The following STX8 variants were observed in gnomAD, a reference collection of about 807,000 sequenced individuals.
The protein encoded by STX8 is syntaxin 8, also known as syntaxin-8.
A neutral mutation model predicts 37.5 loss-of-function variants in STX8; 23 were observed. The ratio of observed to expected loss-of-function variants is 0.61; its 90% CI spans 0.44 to 0.87. The LOEUF (loss-of-function observed/expected upper bound fraction) is 0.87, where lower values mean the gene tolerates loss of function less well. Among genes scored for constraint, STX8 ranks in the 40% least tolerant of loss-of-function variants. STX8 has a pLI of 0.00. For missense variants in STX8, 313 were observed against 284.7 expected (o/e 1.10, Z -0.71); for synonymous variants, 115 against 99.1 (o/e 1.16, Z -0.95).
intron 7 of STX8, among the ~76,000 whole-genome samples, chr17:9,347,687 T>A (rs1426830317): frequency 6.6e-6 from 1 of 152,154 alleles, no homozygotes; most frequent in Admixed American, 6.6e-5. Flanking sequence ...CAGCTAATTT[T>A]TGTATTTTTA....
chr17:9,447,024 T>C (rs1904875459), intron 6 of STX8, among the ~76,000 whole-genome samples: 1 of 152,226 alleles, frequency 6.6e-6, no homozygotes, highest in African/African-American at 2.4e-5. Flanking sequence ...GTCATCCTGA[T>C]TGTTCCCTAC....
At chr17:9,295,527 G>C (rs1235983098) in intron 7 of STX8, among the ~76,000 whole-genome samples, 1 of 152,116 alleles carries the variant, frequency 6.6e-6, no homozygotes, top group Non-Finnish European at 1.5e-5. Flanking sequence ...GGCAAATCAC[G>C]AGGTCAGGAG....
chr17:9,481,779 G>T (rs2142455730), intron 6 of STX8, among the ~76,000 whole-genome samples: 1 of 152,276 alleles, frequency 6.6e-6, no homozygotes, highest in South Asian at 2.1e-4. Flanking sequence ...CATCAGATCA[G>T]CAGTGGCATT....
chr17:9,504,025 A>C (rs1436122026), intron 5 of STX8, among the ~76,000 whole-genome samples: 1 of 152,194 alleles, frequency 6.6e-6, no homozygotes, highest in African/African-American at 2.4e-5. Context: ...CAGCCTCCCA[A>C]AGTGCTGGGA....
chr17:9,328,757 A>G (rs1025024557), intron 7 of STX8, among the ~76,000 whole-genome samples: 1 of 152,146 alleles, frequency 6.6e-6, no homozygotes, highest in African/African-American at 2.4e-5. Flanking sequence ...TGTAATTAAG[A>G]TGGTGGCTGA....
chr17:9,465,016 C>T (rs1643473777), intron 6 of STX8, among the ~76,000 whole-genome samples: 1 of 152,066 alleles, frequency 6.6e-6, no homozygotes, highest in African/African-American at 2.4e-5. Context: ...CCACCATGCC[C>T]GGCCTCATCC....
intron 6 of STX8, among the ~76,000 whole-genome samples, chr17:9,446,534 G>A (rs1467101724): frequency 6.6e-6 from 1 of 152,202 alleles, no homozygotes; most frequent in Non-Finnish European, 1.5e-5. Flanking sequence ...GTGAGGAGGA[G>A]GAAGCAAACT....
chr17:9,492,489 C>T (rs1567584709), intron 5 of STX8, among the ~76,000 whole-genome samples: 1 of 152,076 alleles, frequency 6.6e-6, no homozygotes, highest in Non-Finnish European at 1.5e-5. Flanking sequence ...TAGACTGTGC[C>T]CACCTTTTTA....
At chr17:9,556,612 T>G (rs1906972550) in intron 3 of STX8, among the ~76,000 whole-genome samples, 1 of 151,598 alleles carries the variant, frequency 6.6e-6, no homozygotes, top group South Asian at 2.1e-4. Context: ...CAGCTAATTT[T>G]TATATTTTCA....
chr17:9,491,102 CCT>C (rs775096359), intron 6 of STX8, among the ~76,000 whole-genome samples: 18 of 152,298 alleles, frequency 1.2e-4, no homozygotes, highest in East Asian at 3.9e-4. Context: ...GCTCTGGTAC[CCT>C]GTCTCCCACT....
At chr17:9,315,694 C>T (rs1235011241) in intron 7 of STX8, among the ~76,000 whole-genome samples, 2 of 152,054 alleles carry the variant, frequency 1.3e-5, no homozygotes, top group African/African-American at 2.4e-5. Flanking sequence ...GCTATGCTTC[C>T]CAGCCTGCAG....
intron 2 of STX8, among the ~76,000 whole-genome samples, chr17:9,562,387 C>G (rs1409809468): frequency 1.3e-5 from 2 of 148,854 alleles, no homozygotes; most frequent in Non-Finnish European, 3.0e-5. Context: ...GCCTGGGCGA[C>G]AGAGCGAGAC....
At chr17:9,550,668 G>A (rs1035009748) in intron 3 of STX8, among the ~76,000 whole-genome samples, 4 of 152,228 alleles carry the variant, frequency 2.6e-5, no homozygotes, top group African/African-American at 7.2e-5. Flanking sequence ...CTTCTCTGCT[G>A]TAGCCTGGTG....
intron 7 of STX8, among the ~76,000 whole-genome samples, chr17:9,254,802 G>A (rs1906725290): frequency 6.6e-6 from 1 of 152,158 alleles, no homozygotes; most frequent in Non-Finnish European, 1.5e-5. Context: ...CCCGTACCTA[G>A]AACAGAGCCT....
At chr17:9,400,405 A>C (rs995719808) in intron 6 of STX8, among the ~76,000 whole-genome samples, 2 of 129,242 alleles carry the variant, frequency 1.5e-5, no homozygotes, top group African/African-American at 5.6e-5. Context: ...AGGCTTATTT[A>C]TTTATTTTTT....
At position 9,477,017 on chromosome 17, in the gene STX8, T is replaced by A. The variant is rs182924963; in HGVS notation, c.541+14812A>T. On this transcript the variant is annotated intron_variant, in intron 6 of 7. Coordinates refer to ENST00000306357, the MANE Select transcript of STX8 (RefSeq NM_004853.3). The stretch of plus-strand genomic sequence containing the variant: ...TACACCACCACATTAGGCTAATTTT[T>A]TTATTATTATTATTATTTCTTGTAG... 1.9e-3 allele frequency among the ~76,000 whole-genome samples: 286 copies of A among 151,970 alleles called. 2 individuals are homozygous for A. Among genetic ancestry groups the A allele is most frequent in the African/African-American group, 6.3e-3 (261 of 41,444 alleles).
At chr17:9,396,501 A>G (rs901953957) in intron 6 of STX8, among the ~76,000 whole-genome samples, 1 of 152,086 alleles carries the variant, frequency 6.6e-6, no homozygotes, top group Non-Finnish European at 1.5e-5. Flanking sequence ...ATCTGAGGTC[A>G]GGAGTTCAAG....
intron 7 of STX8, among the ~76,000 whole-genome samples, chr17:9,285,126 A>C (rs1177744434): frequency 6.6e-6 from 1 of 152,128 alleles, no homozygotes; most frequent in African/African-American, 2.4e-5. Flanking sequence ...GATTCTTATC[A>C]TCAGGGAAAT....
intron 6 of STX8, among the ~76,000 whole-genome samples, chr17:9,425,187 C>T (rs1218057277): frequency 6.6e-6 from 1 of 152,142 alleles, no homozygotes; most frequent in Non-Finnish European, 1.5e-5. Context: ...AATCAGCTGG[C>T]TTTTTGTCTG....
Sources: gnomAD v4.1 joint callset for allele counts (sites outside exome capture counted in the v4.1 genomes callset) on GRCh38, gnomAD v4.1.1 for gene constraint, MANE v1.5 for transcripts, NCBI Gene and HGNC (gene_info 2026-07-23, HGNC 2026-07-21) for gene names.